PRKG1: variants seen among roughly 807,000 people sequenced by gnomAD.
PRKG1 encodes cGMP-dependent protein kinase 1.
PRKG1 carries 35 observed loss-of-function variants against 88.1 expected under a neutral mutation model. The observed-to-expected ratio is 0.40, with a 90% CI of 0.30 to 0.53. The LOEUF is 0.53. Among genes scored for constraint, PRKG1 ranks in the 20% least tolerant of loss-of-function variants. The pLI, the probability that PRKG1 is intolerant of heterozygous loss-of-function variation, is 0.59. For synonymous variants in PRKG1, 303 were observed against 292.5 expected (o/e 1.04, Z -0.37); for missense variants, 540 against 839.8 (o/e 0.64, Z 4.41).
chr10:51,110,331 C>A (rs181949496), intron 1 of PRKG1, among the ~76,000 whole-genome samples: 3 of 152,230 alleles, frequency 2.0e-5, no homozygotes, highest in African/African-American at 7.2e-5. Context: ...GATAAAGAAA[C>A]TGTGATATAT....
chr10:51,083,713 A>ATAAAAGATC (rs1467373236), intron 1 of PRKG1, among the ~76,000 whole-genome samples: 1 of 152,132 alleles, frequency 6.6e-6, no homozygotes, highest in Non-Finnish European at 1.5e-5. Context: ...GACACCTGCA[A>ATAAAAGATC]TAAAAGATCT....
At chr10:51,497,296 A>G (rs530284144) in intron 3 of PRKG1, among the ~76,000 whole-genome samples, 3 of 152,274 alleles carry the variant, frequency 2.0e-5, no homozygotes, top group African/African-American at 7.2e-5. Flanking sequence ...CAGTCCTTGG[A>G]CACCCAATAC....
intron 3 of PRKG1, among the ~76,000 whole-genome samples, chr10:51,732,546 T>C (rs1220063479): frequency 6.6e-6 from 1 of 152,166 alleles, no homozygotes; most frequent in Non-Finnish European, 1.5e-5. Context: ...AAAGTGAAAT[T>C]CTTTTTTGAT....
intron 2 of PRKG1, among the ~76,000 whole-genome samples, chr10:51,316,209 A>T (rs1841312983): frequency 6.6e-6 from 1 of 152,228 alleles, no homozygotes; most frequent in African/African-American, 2.4e-5. Context: ...TAAAGTTTGT[A>T]TGGAGACTCT....
chr10:51,606,647 G>A (rs1313930743), intron 3 of PRKG1, among the ~76,000 whole-genome samples: 1 of 152,118 alleles, frequency 6.6e-6, no homozygotes, highest in Non-Finnish European at 1.5e-5. Context: ...GCAAATCAAA[G>A]TATGCCTGTT....
intron 2 of PRKG1, among the ~76,000 whole-genome samples, chr10:51,292,013 G>A (rs540377372): frequency 2.0e-5 from 3 of 152,188 alleles, no homozygotes; most frequent in East Asian, 3.9e-4. Context: ...TTTGTTTAAC[G>A]TTGTTAGAGT....
intron 2 of PRKG1, among the ~76,000 whole-genome samples, chr10:51,298,174 G>A (rs897986638): frequency 2.0e-5 from 3 of 151,918 alleles, no homozygotes; most frequent in African/African-American, 7.3e-5. Flanking sequence ...TCATGATTAG[G>A]GATATTAATT....
chr10:52,160,701 A>G (rs982556957), intron 8 of PRKG1, among the ~76,000 whole-genome samples: 4 of 152,046 alleles, frequency 2.6e-5, no homozygotes, highest in African/African-American at 9.7e-5. Flanking sequence ...GCACCTTACT[A>G]TGTTTCAGGA....
At chr10:52,134,506 T>C (rs1837352121) in intron 8 of PRKG1, among the ~76,000 whole-genome samples, 2 of 152,156 alleles carry the variant, frequency 1.3e-5, no homozygotes, top group Admixed American at 6.6e-5. Context: ...ACCTGGATGC[T>C]TTATAAGTTA....
At chr10:52,048,871 A>C (rs1432604622) in intron 5 of PRKG1, among the ~76,000 whole-genome samples, 1 of 152,148 alleles carries the variant, frequency 6.6e-6, no homozygotes, top group African/African-American at 2.4e-5. Context: ...GTTTGGGCTA[A>C]ATCTATCTTC....
chr10:51,870,524 C>T (rs1841130145), intron 4 of PRKG1, among the ~76,000 whole-genome samples: 1 of 151,940 alleles, frequency 6.6e-6, no homozygotes, highest in Non-Finnish European at 1.5e-5. Context: ...TTATCAGTTT[C>T]CTCATGGATT....
chr10:51,945,866 T>G (rs1195986347), intron 5 of PRKG1, among the ~76,000 whole-genome samples: 19 of 151,678 alleles, frequency 1.3e-4, no homozygotes, highest in Admixed American at 1.3e-4. Flanking sequence ...TAACCCGACC[T>G]TTCTCTCTGG....
At chr10:51,935,895 T>A (rs1315270130) in intron 5 of PRKG1, among the ~76,000 whole-genome samples, 4 of 152,124 alleles carry the variant, frequency 2.6e-5, no homozygotes, top group African/African-American at 7.2e-5. Context: ...ATGCAAATGA[T>A]CTAAAATGTA....
In PRKG1 at chr10:51,928,202, A is replaced by G. The variant is rs1004908298; in HGVS notation, c.762+20632A>G. ...AGAGAAAAAGTGTTAATAAAGAACA[A>G]TTATGGTACACTCTGACTGACATTT... On this transcript the variant is annotated intron_variant, in intron 5 of 17. Coordinates refer to ENST00000373980, the MANE Select transcript of PRKG1 (RefSeq NM_006258.4). Among the ~76,000 whole-genome samples the G allele has an allele frequency of 1.3e-5, 2 of 152,174 alleles. 1 individual carries two copies. The highest frequency in any genetic ancestry group is 2.9e-5 in the Non-Finnish European group (2 of 68,020).
At chr10:52,106,124 C>G (rs963019952) in intron 7 of PRKG1, among the ~76,000 whole-genome samples, 2 of 152,138 alleles carry the variant, frequency 1.3e-5, no homozygotes, top group East Asian at 3.9e-4. Flanking sequence ...TCCAACTCCA[C>G]CCAGAATGCT....
intron 3 of PRKG1, among the ~76,000 whole-genome samples, chr10:51,654,563 C>A (rs945484392): frequency 6.6e-6 from 1 of 152,088 alleles, no homozygotes; most frequent in Admixed American, 6.6e-5. Context: ...GAAAAACACA[C>A]ACACACACAC....
chr10:51,055,094 A>C (rs1344060988), intron 1 of PRKG1, among the ~76,000 whole-genome samples: 1 of 152,156 alleles, frequency 6.6e-6, no homozygotes, highest in Non-Finnish European at 1.5e-5. Flanking sequence ...CACACTTCCC[A>C]AGAGCTGCAT....
intron 5 of PRKG1, among the ~76,000 whole-genome samples, chr10:52,010,856 ACT>A (rs1318105397): frequency 2.6e-5 from 4 of 152,216 alleles, no homozygotes; most frequent in African/African-American, 9.6e-5. Flanking sequence ...AATAATGAGT[ACT>A]CCAGAAAGAA....
chr10:52,156,992 C>T (rs1838126162), intron 8 of PRKG1, among the ~76,000 whole-genome samples: 1 of 151,446 alleles, frequency 6.6e-6, no homozygotes, highest in South Asian at 2.1e-4. Context: ...GAAATAGCTT[C>T]CAATTTAAGA....
Sources: allele counts gnomAD v4.1 joint callset (sites outside exome capture counted in the v4.1 genomes callset), GRCh38; gene constraint gnomAD v4.1.1; transcripts MANE v1.5; gene names NCBI Gene and HGNC (gene_info 2026-07-23, HGNC 2026-07-21).